Variants in DCC observed in about 807,000 individuals in gnomAD.
The protein encoded by DCC is DCC netrin 1 receptor.
DCC carries 58 observed loss-of-function variants against 172.5 expected under a neutral mutation model. That is an observed-to-expected ratio of 0.34 (90% CI 0.27 to 0.42). The LOEUF (loss-of-function observed/expected upper bound fraction) is 0.42, where lower values mean the gene tolerates loss of function less well. DCC is among the 10% of genes least tolerant of loss of function. DCC has a pLI of 1.00. For missense variants in DCC, 1,740 were observed against 1,791.0 expected (o/e 0.97, Z 0.51); for synonymous variants, 709 against 644.5 (o/e 1.10, Z -1.52).
At chr18:53,311,085 G>A (rs2057261189) in intron 13 of DCC, among the ~76,000 whole-genome samples, 1 of 150,694 alleles carries the variant, frequency 6.6e-6, no homozygotes, top group Non-Finnish European at 1.5e-5. Context: ...ATCCAAACTG[G>A]TTGGGTTTTA....
intron 7 of DCC, among the ~76,000 whole-genome samples, chr18:53,095,726 T>A (rs2043076352): frequency 6.6e-6 from 1 of 152,076 alleles, no homozygotes; most frequent in African/African-American, 2.4e-5. Context: ...CCTTAATTTA[T>A]TTATATCCGT....
Position 53,375,616 on chromosome 18 carries a change from CTTT to C in DCC, c.2360-10410_2360-10408del, listed in dbSNP as rs1555660824. ...CAATGTTACCACCTTATATTTAATT[CTTT>C]TTTTTTTTTTTTTTTTGAGAAATGT... On this transcript the variant is annotated intron_variant, in intron 15 of 28. Transcript: ENST00000442544. Among the ~76,000 whole-genome samples the C allele has an allele frequency of 1.6e-3, 195 of 123,038 alleles. 1 individual carries two copies. The highest frequency in any genetic ancestry group is 4.2e-3 in the Middle Eastern group (1 of 238). The allele number at this position is 123,038 out of a possible 152,430, so 80.7% of individuals were successfully genotyped here. A position where few individuals can be genotyped will look rare whatever the true frequency, so the allele number is the denominator to read the frequency against.
intron 22 of DCC, among the ~76,000 whole-genome samples, chr18:53,437,645 C>A (rs1037465591): frequency 7.5e-6 from 1 of 133,022 alleles, no homozygotes; most frequent in Admixed American, 7.6e-5. Context: ...CTTGTTGAGA[C>A]AGAAAACAGA....
chr18:53,422,284 G>A (rs545464427), intron 21 of DCC, among the ~76,000 whole-genome samples: 27 of 152,152 alleles, frequency 1.8e-4, no homozygotes, highest in African/African-American at 2.7e-4. Flanking sequence ...ATAAAACTCC[G>A]CCTTTCCCTT....
At chr18:52,673,505 A>G (rs1354938504) in intron 1 of DCC, among the ~76,000 whole-genome samples, 1 of 152,218 alleles carries the variant, frequency 6.6e-6, no homozygotes, top group African/African-American at 2.4e-5. Context: ...TTGTAACCTC[A>G]TAACAGGAAA....
intron 2 of DCC, among the ~76,000 whole-genome samples, chr18:52,770,892 C>T (rs1407426488): frequency 2.0e-5 from 3 of 152,180 alleles, no homozygotes; most frequent in Admixed American, 6.5e-5. Context: ...CATCTTCCTT[C>T]GCCATCCTTC....
intron 1 of DCC, among the ~76,000 whole-genome samples, chr18:52,491,449 G>C (rs2030497615): frequency 6.6e-6 from 1 of 152,092 alleles, no homozygotes; most frequent in Non-Finnish European, 1.5e-5. Context: ...TTAGGAGATA[G>C]GGAGAAGAGC....
intron 27 of DCC, among the ~76,000 whole-genome samples, chr18:53,525,377 G>T (rs1053668792): frequency 6.6e-6 from 1 of 152,000 alleles, no homozygotes; most frequent in Non-Finnish European, 1.5e-5. Context: ...GAGGTACCAC[G>T]AACAGAATAT....
Position 52,863,861 on chromosome 18 carries a change from GA to G in DCC, c.413-42182del, listed in dbSNP as rs540061226. Among the ~76,000 whole-genome samples the G allele has an allele frequency of 2.0e-5, 3 of 150,714 alleles. No individual in the cohort carries two copies. In the South Asian group the frequency reaches 6.3e-4, roughly 31 times the overall value. ...TATCATAAAAGCAAGGACCTTAAAGGACCTTAAAGTTAGAAACATACATATT... is the reference window on the plus strand; with the variant it reads ...TATCATAAAAGCAAGGACCTTAAAGGCCTTAAAGTTAGAAACATACATATT... On this transcript the variant is annotated intron_variant, in intron 2 of 28. Transcript: ENST00000442544.
chr18:53,047,260 A>T (rs377191272), intron 5 of DCC, among the ~76,000 whole-genome samples: 9 of 12,336 alleles, frequency 7.3e-4, no homozygotes, highest in African/African-American at 2.0e-3. Flanking sequence ...ATATATATAT[A>T]TATATATATA....
chr18:53,031,724 T>C (rs2042028557), intron 5 of DCC, among the ~76,000 whole-genome samples: 1 of 152,160 alleles, frequency 6.6e-6, no homozygotes. Flanking sequence ...TATGTTTAAA[T>C]AATTTCTTCA....
At chr18:53,408,900 G>A (rs74836626) in intron 19 of DCC, among the ~76,000 whole-genome samples, 2,156 of 152,268 alleles carry the variant, frequency 0.014, 62 homozygotes, top group African/African-American at 0.049. Context: ...TTAATCCTAC[G>A]TAATCAGAAG....
intron 1 of DCC, among the ~76,000 whole-genome samples, chr18:52,690,111 G>A (rs2047318830): frequency 1.3e-5 from 2 of 152,150 alleles, no homozygotes; most frequent in African/African-American, 4.8e-5. Flanking sequence ...AGCCTCAGGA[G>A]AGACCATGAG....
At chr18:52,700,439 C>T (rs533844063) in intron 1 of DCC, among the ~76,000 whole-genome samples, 2 of 152,250 alleles carry the variant, frequency 1.3e-5, no homozygotes, top group South Asian at 4.1e-4. Flanking sequence ...AATATTCTTC[C>T]CTCCATGATG....
chr18:52,746,709 ATGTATAGATAATTAATATAAACT>A (rs2036910185), intron 1 of DCC, among the ~76,000 whole-genome samples: 1 of 152,168 alleles, frequency 6.6e-6, no homozygotes, highest in African/African-American at 2.4e-5. Flanking sequence ...AATATTCTCT[ATGTATAGATAATTAATATAAACT>A]TGAAATGTCT....
intron 7 of DCC, among the ~76,000 whole-genome samples, chr18:53,077,613 T>G (rs919050466): frequency 6.6e-6 from 1 of 152,152 alleles, no homozygotes; most frequent in African/African-American, 2.4e-5. Context: ...CAGTGGACTC[T>G]CCCATGGTTA....
intron 14 of DCC, among the ~76,000 whole-genome samples, chr18:53,332,477 C>A (rs1322379697): frequency 1.3e-5 from 2 of 151,932 alleles, no homozygotes; most frequent in African/African-American, 4.8e-5. Flanking sequence ...GCTACATGAG[C>A]AAAAATTTGT....
At chr18:52,603,093 T>C (rs1298302992) in intron 1 of DCC, among the ~76,000 whole-genome samples, 1 of 152,068 alleles carries the variant, frequency 6.6e-6, no homozygotes, top group Non-Finnish European at 1.5e-5. Context: ...CAAAATCACC[T>C]GAGAAGCACC....
chr18:52,596,606 T>G (rs2033914902), intron 1 of DCC, among the ~76,000 whole-genome samples: 1 of 152,212 alleles, frequency 6.6e-6, no homozygotes, highest in South Asian at 2.1e-4. Context: ...ATGATCTAAC[T>G]TGTTCTGTTT....
Sources: allele counts gnomAD v4.1 joint callset (sites outside exome capture counted in the v4.1 genomes callset), GRCh38; gene constraint gnomAD v4.1.1; transcripts MANE v1.5; gene names NCBI Gene and HGNC (gene_info 2026-07-23, HGNC 2026-07-21).